The following ITIH3 variants were observed in gnomAD, a reference collection of about 807,000 sequenced individuals.
The protein encoded by ITIH3 is inter-alpha-trypsin inhibitor heavy chain 3.
Under a neutral mutation model 96.5 loss-of-function variants are expected in ITIH3, and 81 were observed. The observed-to-expected ratio is 0.84, with a 90% CI of 0.70 to 1.01. The LOEUF (loss-of-function observed/expected upper bound fraction) is 1.01. ITIH3 is among the 50% of genes least tolerant of loss of function. The pLI, the probability that ITIH3 is intolerant of heterozygous loss-of-function variation, is 0.00. For missense variants in ITIH3, 1,057 were observed against 1,139.3 expected (o/e 0.93, Z 1.04); for synonymous variants, 422 against 445.2 (o/e 0.95, Z 0.66).
rs766439437 is a variant in ITIH3, at chr3:52,799,854, A to G, written c.1008A>G (p.Leu336=). 1.2e-6 allele frequency: 2 copies of G among 1,613,798 alleles called. No individual in the cohort carries two copies. Among genetic ancestry groups the G allele is most frequent in the Admixed American group, 1.7e-5 (1 of 60,006 alleles). ...ATGTGTCCACATGGAAAGAGCACTT[A>G]GTCCAGGCCACGCCCGAGAACCTCC... ...SGDVSTWKEH[L]VQATPENLQE... The change falls in exon 9 of 22, where the codon TTA becomes TTG. Residue 336 remains leucine (L), a synonymous_variant. Transcript: ENST00000449956.
chr3:52,807,154 A>G (rs1419083283), intron 19 of ITIH3, 49 bp downstream of exon 19: 20 of 1,476,672 alleles, frequency 1.4e-5, no homozygotes, highest in East Asian at 2.5e-5. Flanking sequence ...GTGAGAGTCT[A>G]AGGAGGCTCT....
At chr3:52,797,035 G>GGGGCCGA (rs1463957433) in intron 4 of ITIH3, 70 bp from the exon 5 acceptor site, 11 of 1,526,350 alleles carry the variant, frequency 7.2e-6, no homozygotes, top group South Asian at 2.4e-5. Context: ...GGCTGGGCCT[G>GGGGCCGA]GGGCCGAGGG....
intron 13 of ITIH3, among the ~76,000 whole-genome samples, chr3:52,803,239 A>G (rs1428760184): frequency 6.6e-6 from 1 of 151,052 alleles, no homozygotes; most frequent in Non-Finnish European, 1.5e-5. Flanking sequence ...CATGGACACC[A>G]TTGCGAGTGG....
In ITIH3 at chr3:52,799,869, C is replaced by G. The variant is rs74587399; in HGVS notation, c.1023C>G (p.Pro341=). The G allele has an allele frequency of 6.8e-6, 11 of 1,613,866 alleles. No individual in the cohort carries two copies. The highest frequency in any genetic ancestry group is 8.5e-6 in the Non-Finnish European group (10 of 1,179,816). Residue 341 remains proline, a synonymous_variant, in exon 9 of 22, where the codon CCC becomes CCG. Transcript: ENST00000449956. The stretch of plus-strand genomic sequence containing the variant: ...AAGAGCACTTAGTCCAGGCCACGCC[C>G]GAGAACCTCCAGGAGGCCAGGACGT... ...TWKEHLVQAT[P]ENLQEARTFV...
At chr3:52,798,746 G>T (rs1284699103) in intron 6 of ITIH3, 3 of 574,116 alleles carry the variant, frequency 5.2e-6, no homozygotes, top group African/African-American at 1.9e-5. Flanking sequence ...GCTCAGAAAG[G>T]CCGGAGCGTG....
intron 15 of ITIH3, chr3:52,805,407 G>C (rs1352752500): frequency 9.5e-7 from 1 of 1,049,900 alleles, no homozygotes; most frequent in Non-Finnish European, 1.2e-6. Context: ...GCATATGTGT[G>C]CGCCTGTGTG....
rs927055448 is a variant in ITIH3, at chr3:52,803,856, A to C, written c.1711A>C (p.Lys571Gln). 33 of 1,613,952 alleles carry C rather than the reference A, an allele frequency of 2.0e-5. No individual in the cohort carries two copies. The highest frequency in any genetic ancestry group is 2.8e-5 in the Non-Finnish European group (33 of 1,179,890). Residue 571 changes from lysine to glutamine, a missense_variant and splice_region_variant, in exon 14 of 22, where the codon AAG (lysine) becomes CAG (glutamine). Transcript: ENST00000449956. ...CTCCTGACTGGCCCCTCCTCACAGC[A>C]AGAACGCCCATGGCGAGGAGAAGGA... ...LTIEQLLEKRKNAHGEEKENL... is the reference protein window; with the variant it reads ...LTIEQLLEKRQNAHGEEKENL...
At chr3:52,802,193 T>A in intron 11 of ITIH3, 141 bp from the exon 12 acceptor site, 1 of 831,830 alleles carries the variant, frequency 1.2e-6, no homozygotes. Flanking sequence ...CCCCACAGAC[T>A]GAAGGACGCA....
chr3:52,799,386 C>T lies in ITIH3; in HGVS notation c.804C>T (p.Tyr268=). ...SPGNVQIVNG[Y]FVHFFAPQGL... Reference sequence around the variant, plus strand: ...CCACTTTCCAGATAGTCAATGGCTACTTCGTGCACTTCTTTGCACCTCAAG... The same window carrying T: ...CCACTTTCCAGATAGTCAATGGCTATTTCGTGCACTTCTTTGCACCTCAAG... Residue 268 remains tyrosine, a synonymous_variant, in exon 8 of 22, where the codon TAC becomes TAT. Coordinates refer to ENST00000449956, the MANE Select transcript of ITIH3 (RefSeq NM_002217.4). The T allele has an allele frequency of 6.3e-7, 1 of 1,599,316 alleles. No homozygotes were observed. The highest frequency in any genetic ancestry group is 8.5e-7 in the Non-Finnish European group (1 of 1,173,244).
chr3:52,798,204 T>A (rs1699670237), intron 6 of ITIH3, among the ~76,000 whole-genome samples: 1 of 152,170 alleles, frequency 6.6e-6, no homozygotes, highest in South Asian at 2.1e-4. Context: ...GGGCTTATCT[T>A]CCCTGTTTTA....
At chr3:52,798,523 C>T (rs72954375) in intron 6 of ITIH3, 5,911 of 184,212 alleles carry the variant, frequency 0.032, 413 homozygotes, top group African/African-American at 0.13. Flanking sequence ...CTTTCTCCCT[C>T]CCCTCCTCTT....
chr3:52,796,971 G>A (rs769407489), intron 4 of ITIH3, 128 bp downstream of exon 4: 538 of 1,255,252 alleles, frequency 4.3e-4, no homozygotes, highest in Non-Finnish European at 4.4e-4. Flanking sequence ...ATTATCCCAC[G>A]TTGAGGCTGA....
At position 52,797,935 on chromosome 3, in the gene ITIH3, T is replaced by C. The variant is rs749480189; in HGVS notation, c.663+5T>C. 2.6e-6 allele frequency: 4 copies of C among 1,545,622 alleles called. No homozygotes were observed. In the South Asian group the frequency reaches 3.5e-5, roughly 14 times the overall value. On this transcript the variant is annotated splice_donor_5th_base_variant and intron_variant, in intron 6 of 21. Coordinates refer to ENST00000449956, the MANE Select transcript of ITIH3 (RefSeq NM_002217.4). ...AAGTCCTTCTCAGGGAAAAAGGTGA[T>C]GTAGATGCCTCTCAGACCTGGTGGG...
At position 52,800,565 on chromosome 3, in the gene ITIH3, G is replaced by T; in HGVS notation, c.1103G>T (p.Arg368Met). ...ACCAACATCAATGACGGGCTGCTGAGGGGCATCAGTATGCTGAACAAGGCC... is the reference window on the plus strand; with the variant it reads ...ACCAACATCAATGACGGGCTGCTGATGGGCATCAGTATGCTGAACAAGGCC... ...GMTNINDGLL[R>M]GISMLNKARE... is the part of the protein sequence containing the mutation. Residue 368 changes from arginine (R) to methionine (M), a missense_variant, in exon 10 of 22, where the codon AGG becomes ATG. Arg to Met is a moderately conservative substitution (Grantham distance 91). Transcript: ENST00000449956. 6.4e-7 allele frequency: 1 copy of T among 1,559,442 alleles called. No individual in the cohort carries two copies. Among genetic ancestry groups the T allele is most frequent in the East Asian group, 2.4e-5 (1 of 41,580 alleles).
At chr3:52,808,255 A>G in intron 21 of ITIH3, 34 bp downstream of exon 21, 2 of 1,542,670 alleles carry the variant, frequency 1.3e-6, no homozygotes, top group South Asian at 2.2e-5. Context: ...TCACCTGCTC[A>G]GCAACGAGAG....
At chr3:52,801,348 A>G (rs1374339517) in intron 11 of ITIH3, among the ~76,000 whole-genome samples, 3 of 152,252 alleles carry the variant, frequency 2.0e-5, no homozygotes, top group African/African-American at 4.8e-5. Context: ...CAGGATTATC[A>G]GAGCAAACAC....
Position 52,808,658 on chromosome 3 carries a change from T to G in ITIH3, c.2650T>G (p.Tyr884Asp). ...EGLIDGVHTD[Y>D]IVPNLF is the part of the protein sequence containing the mutation. The stretch of plus-strand genomic sequence containing the variant: ...GCTGATTGATGGTGTCCACACTGAC[T>G]ACATTGTCCCCAACCTGTTTTGAGT... The change falls in exon 22 of 22, where the codon TAC becomes GAC. Residue 884 changes from tyrosine to aspartate, a missense_variant. Transcript: ENST00000449956. 6.2e-7 allele frequency: 1 copy of G among 1,612,254 alleles called. No individual in the cohort carries two copies. The highest frequency in any genetic ancestry group is 1.1e-5 in the South Asian group (1 of 91,030).
At chr3:52,806,435 AG>A (rs765049470) in intron 18 of ITIH3, 29 bp downstream of exon 18, 7 of 1,568,674 alleles carry the variant, frequency 4.5e-6, no homozygotes, top group East Asian at 4.5e-5. Flanking sequence ...GGCCGGGGCC[AG>A]GGGGCTCTTC....
At chr3:52,806,169 C>G (rs1247014257) in intron 17 of ITIH3, 31 bp downstream of exon 17, 1 of 1,601,678 alleles carries the variant, frequency 6.2e-7, no homozygotes, top group Non-Finnish European at 8.5e-7. Flanking sequence ...CGGGAAGGCT[C>G]AGGGGCCTGG....
Sources: allele counts gnomAD v4.1 joint callset (sites outside exome capture counted in the v4.1 genomes callset), GRCh38; gene constraint gnomAD v4.1.1; transcripts MANE v1.5; gene names NCBI Gene and HGNC (gene_info 2026-07-23, HGNC 2026-07-21).